Variants in ADGRV1 observed in about 807,000 individuals in gnomAD.
ADGRV1 encodes the protein G-protein coupled receptor 98.
Under a neutral mutation model 596.2 loss-of-function variants are expected in ADGRV1, and 359 were observed. That is an observed-to-expected ratio of 0.60 (90% CI 0.55 to 0.66). The LOEUF is 0.66. Among genes scored for constraint, ADGRV1 ranks in the 30% least tolerant of loss-of-function variants. The pLI is 0.00. For synonymous variants in ADGRV1, 2,681 were observed against 2,679.2 expected (o/e 1.00, Z -0.02); for missense variants, 7,274 against 7,575.6 (o/e 0.96, Z 1.48).
intron 4 of ADGRV1, among the ~76,000 whole-genome samples, chr5:90,620,931 T>G (rs1445137715): frequency 6.6e-6 from 1 of 152,228 alleles, no homozygotes; most frequent in East Asian, 1.9e-4. Flanking sequence ...TAATTAATAT[T>G]TTCTGAAGAT....
chr5:90,654,042 G>GT (rs1769049319), intron 20 of ADGRV1, 90 bp downstream of exon 20: 2 of 1,331,014 alleles, frequency 1.5e-6, no homozygotes, highest in Non-Finnish European at 2.1e-6. Flanking sequence ...GTGCTAACAT[G>GT]TATTTGAAAA....
intron 77 of ADGRV1, among the ~76,000 whole-genome samples, chr5:90,835,014 C>T (rs903889240): frequency 9.3e-5 from 14 of 150,974 alleles, no homozygotes; most frequent in Non-Finnish European, 2.9e-5. Flanking sequence ...AATCCGTGAA[C>T]ATGAAATATC....
chr5:91,099,151 T>C (rs1417993130), intron 86 of ADGRV1, among the ~76,000 whole-genome samples: 1 of 152,214 alleles, frequency 6.6e-6, no homozygotes, highest in African/African-American at 2.4e-5. Flanking sequence ...TACGTAAATC[T>C]TCTTGTATTA....
chr5:90,606,767 G>C (rs887284473), intron 1 of ADGRV1, among the ~76,000 whole-genome samples: 3 of 151,720 alleles, frequency 2.0e-5, no homozygotes, highest in African/African-American at 7.3e-5. Context: ...CTACACCTAG[G>C]GGGCAGTAGA....
At chr5:91,038,545 G>C (rs1181905807) in intron 85 of ADGRV1, among the ~76,000 whole-genome samples, 1 of 152,180 alleles carries the variant, frequency 6.6e-6, no homozygotes, top group Admixed American at 6.5e-5. Context: ...TGTCAGACCT[G>C]GGTGATTGAT....
At chr5:90,879,726 C>T (rs145318881) in intron 83 of ADGRV1, among the ~76,000 whole-genome samples, 35 of 152,132 alleles carry the variant, frequency 2.3e-4, no homozygotes, top group African/African-American at 7.2e-4. Context: ...GCAGGCAAAT[C>T]GCTTGAGGTC....
chr5:91,020,361 A>G (rs1783534568), intron 85 of ADGRV1, among the ~76,000 whole-genome samples: 1 of 152,034 alleles, frequency 6.6e-6, no homozygotes, highest in Non-Finnish European at 1.5e-5. Flanking sequence ...ATCACAGAAA[A>G]AAGAATTTGC....
intron 59 of ADGRV1, among the ~76,000 whole-genome samples, chr5:90,769,655 A>G (rs1053979350): frequency 5.9e-5 from 9 of 152,072 alleles, no homozygotes; most frequent in East Asian, 1.9e-4. Flanking sequence ...TAGTTTTGCA[A>G]TTGCATTTTT....
intron 86 of ADGRV1, among the ~76,000 whole-genome samples, chr5:91,096,395 G>A (rs1346301559): frequency 6.6e-6 from 1 of 152,198 alleles, no homozygotes; most frequent in Non-Finnish European, 1.5e-5. Context: ...GAGATGTGAT[G>A]TAATCTCAAT....
At chr5:91,144,379 C>T (rs112507046) in intron 87 of ADGRV1, among the ~76,000 whole-genome samples, 4,375 of 152,310 alleles carry the variant, frequency 0.029, 184 homozygotes, top group African/African-American at 0.091. Context: ...AAACATGGCT[C>T]ACTGCAGCCT....
intron 1 of ADGRV1, among the ~76,000 whole-genome samples, chr5:90,582,702 C>T (rs1178269220): frequency 1.3e-5 from 2 of 152,056 alleles, no homozygotes; most frequent in Non-Finnish European, 2.9e-5. Context: ...GTAGCTGGGA[C>T]TATCAGTGTG....
At position 90,725,125 on chromosome 5, in the gene ADGRV1, A is replaced by G. The variant is rs1401545127; in HGVS notation, c.9946A>G (p.Asn3316Asp). Residue 3316 changes from asparagine to aspartate, a missense_variant, in exon 47 of 90, where the codon AAT becomes GAT. This residue lies in a region of ADGRV1 where 3,643 missense variants were observed against 3,809.2 expected (regional missense o/e 0.96). Transcript: ENST00000405460. ...IENPKTCEAF[N>D]IGFSPYFVIT... ...AAATCCTAAAACTTGTGAGGCCTTT[A>G]ATATTGGTTTTTCTCCCTACTTTGT... The G allele has an allele frequency of 6.5e-7, 1 of 1,540,206 alleles. No homozygotes were observed.
In ADGRV1 at chr5:90,724,848, G is replaced by A. The variant is rs1051488396; in HGVS notation, c.9765G>A (p.Val3255=). 4.3e-6 allele frequency: 7 copies of A among 1,613,056 alleles called. No homozygotes were observed. The African/African-American group carries it at 5.3e-5, about 12-fold the overall frequency. ...GTTTTTCAGGGGGAATGGATGTTGT[G>A]TTTTCCGTATTTCAAAGTTTTTTGG... ...TAFGMRGMDV[V]FSVFQSFLDE... The change falls in exon 46 of 90, where the codon GTG becomes GTA. Residue 3255 remains valine (V), a synonymous_variant. Transcript: ENST00000405460.
intron 85 of ADGRV1, among the ~76,000 whole-genome samples, chr5:91,036,702 G>A (rs182548804): frequency 2.0e-5 from 3 of 151,900 alleles, no homozygotes; most frequent in Non-Finnish European, 2.9e-5. Flanking sequence ...AAACATGGAC[G>A]ACAGAGCGAG....
intron 87 of ADGRV1, among the ~76,000 whole-genome samples, chr5:91,107,187 G>C (rs1562228531): frequency 6.7e-6 from 1 of 148,684 alleles, no homozygotes; most frequent in African/African-American, 2.5e-5. Context: ...GGGAACTACA[G>C]TTTGAGAAAA....
chr5:90,707,858 T>C (rs563052082), intron 38 of ADGRV1, among the ~76,000 whole-genome samples: 23 of 151,994 alleles, frequency 1.5e-4, no homozygotes, highest in African/African-American at 5.3e-4. Context: ...TGCAGGCCTA[T>C]GCATATAGGA....
chr5:90,650,063 CCTTT>C (rs139253720), intron 17 of ADGRV1, among the ~76,000 whole-genome samples: 23,680 of 152,092 alleles, frequency 0.16, 1,998 homozygotes, highest in East Asian at 0.36. Flanking sequence ...TTTAATACAT[CCTTT>C]CTTAGCTCTT....
chr5:90,652,506 C>G lies in ADGRV1; in HGVS notation c.3577C>G (p.Pro1193Ala). The G allele has an allele frequency of 6.2e-7, 1 of 1,613,166 alleles. No homozygotes were observed. Among genetic ancestry groups the G allele is most frequent in the Non-Finnish European group, 8.5e-7 (1 of 1,179,404 alleles). Residue 1193 changes from proline (P) to alanine (A), a missense_variant, in exon 19 of 90, where the codon CCA (proline) becomes GCA (alanine). By Grantham distance (27) the Pro-to-Ala change is conservative. Coordinates refer to ENST00000405460, the MANE Select transcript of ADGRV1 (RefSeq NM_032119.4). ...EAKPIILHAF[P>A]DKIPEFNEFY... ...AAAACCAATCATTCTCCATGCTTTT[C>G]CAGATAAAATTCCTGAATTCAATGA...
chr5:90,687,831 C>G (rs1745887693), intron 29 of ADGRV1, among the ~76,000 whole-genome samples: 1 of 152,034 alleles, frequency 6.6e-6, no homozygotes, highest in South Asian at 2.1e-4. Context: ...ACCTAGGAAT[C>G]CAACTTACAA....
Sources: allele counts gnomAD v4.1 joint callset (sites outside exome capture counted in the v4.1 genomes callset), GRCh38; gene constraint gnomAD v4.1.1; regional missense constraint gnomAD v4.1.1; transcripts MANE v1.5; gene names NCBI Gene and HGNC (gene_info 2026-07-23, HGNC 2026-07-21).